The following RASGRF2 variants were observed in gnomAD, a reference collection of about 807,000 sequenced individuals.
RASGRF2 encodes Ras protein specific guanine nucleotide releasing factor 2.
A neutral mutation model predicts 151.0 loss-of-function variants in RASGRF2; 76 were observed. That is an observed-to-expected ratio of 0.50 (90% CI 0.42 to 0.61). RASGRF2 has a LOEUF of 0.61. Ranked by LOEUF, RASGRF2 falls within the 20% of genes least tolerant of loss-of-function variation. The pLI is 0.00. For synonymous variants in RASGRF2, 504 were observed against 566.5 expected (o/e 0.89, Z 1.57); for missense variants, 1,148 against 1,564.6 (o/e 0.73, Z 4.49).
At chr5:80,976,540 C>T (rs1038899543) in intron 1 of RASGRF2, among the ~76,000 whole-genome samples, 1 of 152,208 alleles carries the variant, frequency 6.6e-6, no homozygotes, top group African/African-American at 2.4e-5. Flanking sequence ...TCTATAATCT[C>T]TATGTGCTGG....
intron 9 of RASGRF2, 118 bp downstream of exon 9, chr5:81,087,071 C>G: frequency 2.1e-6 from 2 of 946,382 alleles, no homozygotes; most frequent in Non-Finnish European, 3.4e-6. Context: ...GAAGGACCCC[C>G]CCACGGCCTT....
chr5:81,128,647 T>A (rs40047), intron 17 of RASGRF2, among the ~76,000 whole-genome samples: 1 of 152,182 alleles, frequency 6.6e-6, no homozygotes, highest in South Asian at 2.1e-4. Flanking sequence ...AGCCGAGCGG[T>A]GCAGCTATTG....
At chr5:81,037,915 C>T (rs748221345) in intron 1 of RASGRF2, among the ~76,000 whole-genome samples, 34 of 152,082 alleles carry the variant, frequency 2.2e-4, no homozygotes, top group Non-Finnish European at 3.8e-4. Flanking sequence ...ATTTTTCTAA[C>T]TGTATACATA....
In RASGRF2 at chr5:81,229,647, T is replaced by C. The variant is rs1756068824; in HGVS notation, c.*3877T>C. On this transcript the variant is annotated 3_prime_UTR_variant, in exon 27 of 27. Coordinates refer to ENST00000265080, the MANE Select transcript of RASGRF2 (RefSeq NM_006909.3). ...AAGGAAAATAATAGTTCTATTATAC[T>C]TAATGATGTTGGTTTTTACACAGCT... 6.6e-6 allele frequency: 1 copy of C among 152,254 alleles called. No individual in the cohort carries two copies. Among genetic ancestry groups the C allele is most frequent in the South Asian group, 2.1e-4 (1 of 4,834 alleles). 9.4% of individuals were successfully genotyped at this position (152,254 alleles called of 1,614,324 possible). A position where few individuals can be genotyped will look rare whatever the true frequency, so the allele number is the denominator to read the frequency against.
chr5:81,023,792 TTAAG>T (rs1749912978), intron 1 of RASGRF2, among the ~76,000 whole-genome samples: 1 of 152,218 alleles, frequency 6.6e-6, no homozygotes, highest in African/African-American at 2.4e-5. Context: ...GGCTAGTTCA[TTAAG>T]TGTTTCCTCT....
rs1279500435 is a variant in RASGRF2, at chr5:80,960,391, G to C, written c.-348G>C. Among the ~76,000 whole-genome samples, 1 of 151,048 alleles carries C rather than the reference G, an allele frequency of 6.6e-6. No homozygotes were observed. The highest frequency in any genetic ancestry group is 1.9e-4 in the East Asian group (1 of 5,160). On this transcript the variant is annotated 5_prime_UTR_variant, in exon 1 of 27. Transcript: ENST00000265080. This position sits in a 1 kb window ranked among gnomAD's most constrained non-coding sequence, Gnocchi z 5.5. ...CCTTCCCCGGCTGCCGCCCCAGCCC[G>C]CCGCGGGGGCTCGGCTCCCGCAACT...
chr5:81,216,786 G>A (rs187337592), intron 24 of RASGRF2, among the ~76,000 whole-genome samples: 6 of 152,270 alleles, frequency 3.9e-5, no homozygotes, highest in East Asian at 1.9e-4. Context: ...CTTAGCCTCC[G>A]GCCTCTGAGA....
intron 5 of RASGRF2, 115 bp downstream of exon 5, chr5:81,073,567 A>G (rs1751845767): frequency 9.2e-7 from 1 of 1,088,822 alleles, no homozygotes; most frequent in East Asian, 2.8e-5. Flanking sequence ...AGTTTATGAT[A>G]GTAAAAATAA....
chr5:81,005,120 C>T lies in RASGRF2; in HGVS notation c.289-37757C>T, dbSNP rs114577713. ...ATGTAAGTGGAATCATACATTATAC[C>T]GTCCTTTGTGTCTGGTTTCATTTAA... On this transcript the variant is annotated intron_variant, in intron 1 of 26. Transcript: ENST00000265080. Among the ~76,000 whole-genome samples, 465 of 152,206 alleles carry T rather than the reference C, an allele frequency of 3.1e-3. 2 individuals are homozygous for T. The highest frequency in any genetic ancestry group is 9.6e-3 in the African/African-American group (397 of 41,528).
chr5:81,029,910 G>C (rs995775812), intron 1 of RASGRF2, among the ~76,000 whole-genome samples: 1 of 152,156 alleles, frequency 6.6e-6, no homozygotes, highest in African/African-American at 2.4e-5. Context: ...CTTGAAAAAA[G>C]ATTAGATGAA....
intron 2 of RASGRF2, among the ~76,000 whole-genome samples, chr5:81,048,740 T>A (rs1453471401): frequency 2.0e-5 from 3 of 152,228 alleles, no homozygotes. Context: ...ATTTCTACTT[T>A]GAGCTCTCTC....
At chr5:81,042,665 A>G (rs913153052) in intron 1 of RASGRF2, among the ~76,000 whole-genome samples, 1 of 152,236 alleles carries the variant, frequency 6.6e-6, no homozygotes, top group African/African-American at 2.4e-5. Flanking sequence ...GTTGACCCTT[A>G]CTGAGGTGTG....
At chr5:81,223,241 G>A (rs1159585876) in intron 26 of RASGRF2, 1 of 152,156 alleles carries the variant, frequency 6.6e-6, no homozygotes, top group African/African-American at 2.4e-5. Flanking sequence ...GAAACTCTTA[G>A]GGAGGCATAG....
intron 1 of RASGRF2, among the ~76,000 whole-genome samples, chr5:81,010,153 C>CA (rs10942939): frequency 0.12 from 15,039 of 130,396 alleles, 1,613 homozygotes; most frequent in African/African-American, 0.3. Flanking sequence ...GATTTCATCT[C>CA]AAAAAAAAAA....
chr5:81,175,925 C>T (rs1754764897), intron 17 of RASGRF2, among the ~76,000 whole-genome samples: 1 of 152,016 alleles, frequency 6.6e-6, no homozygotes, highest in African/African-American at 2.4e-5. Flanking sequence ...GCCCTTGGGA[C>T]AATTTAGAAA....
intron 1 of RASGRF2, among the ~76,000 whole-genome samples, chr5:80,982,961 G>T (rs1345469307): frequency 6.6e-6 from 1 of 152,050 alleles, no homozygotes; most frequent in African/African-American, 2.4e-5. Flanking sequence ...TGTCAAATAG[G>T]TCTCCACAAA....
At chr5:81,052,236 A>T (rs1751034311) in intron 2 of RASGRF2, among the ~76,000 whole-genome samples, 1 of 152,198 alleles carries the variant, frequency 6.6e-6, no homozygotes, top group African/African-American at 2.4e-5. Flanking sequence ...ACTATAAAAG[A>T]TATTTACTTT....
chr5:81,037,291 A>G (rs1198073741), intron 1 of RASGRF2, among the ~76,000 whole-genome samples: 2 of 152,230 alleles, frequency 1.3e-5, no homozygotes, highest in African/African-American at 4.8e-5. Context: ...CTGTTAAAAA[A>G]TATGTATTCT....
intron 23 of RASGRF2, 45 bp downstream of exon 23, chr5:81,212,608 G>C: frequency 6.6e-7 from 1 of 1,507,430 alleles, no homozygotes; most frequent in Non-Finnish European, 9.0e-7. Flanking sequence ...GAGGAGGAGA[G>C]GCTGGGAGAT....
Sources: allele counts gnomAD v4.1 joint callset (sites outside exome capture counted in the v4.1 genomes callset), GRCh38; gene constraint gnomAD v4.1.1; non-coding constraint Gnocchi (gnomAD v3.1); transcripts MANE v1.5; gene names NCBI Gene and HGNC (gene_info 2026-07-23, HGNC 2026-07-21).